SSPN: variants seen among roughly 807,000 people sequenced by gnomAD.
The protein encoded by SSPN is K-ras oncogene-associated protein.
Under a neutral mutation model 19.1 loss-of-function variants are expected in SSPN, and 15 were observed. That is an observed-to-expected ratio of 0.78 (90% CI 0.52 to 1.21). The LOEUF (loss-of-function observed/expected upper bound fraction) is 1.21, where lower values mean the gene tolerates loss of function less well. Among genes scored for constraint, SSPN ranks in the 50% most tolerant of loss-of-function variants. SSPN has a pLI of 0.00. For synonymous variants in SSPN, 147 were observed against 140.3 expected, an observed-to-expected ratio of 1.05 and a Z score of -0.34; for missense variants, 291 against 314.0, an observed-to-expected ratio of 0.93 and a Z score of 0.55.
Position 26,232,228 on chromosome 12 carries a change from G to C in SSPN, c.*1152G>C. 1.0e-6 allele frequency: 1 copy of C among 985,408 alleles called. No homozygotes were observed. Among genetic ancestry groups the C allele is most frequent in the Non-Finnish European group, 1.2e-6 (1 of 829,918 alleles). The allele number at this position is 985,408 out of a possible 1,614,324, so 61.0% of individuals were successfully genotyped here. On this transcript the variant is annotated 3_prime_UTR_variant, in exon 3 of 3. Transcript: ENST00000242729. ...ATCCTATTATTAATTCGTATGCTTA[G>C]TCAACCTAGGAAATCAAAATAATGT... is the stretch of plus-strand genomic sequence containing the variant.
intron 1 of SSPN, among the ~76,000 whole-genome samples, chr12:26,131,070 A>C (rs1944394967): frequency 6.6e-6 from 1 of 152,208 alleles, no homozygotes. Context: ...GATGTGACTA[A>C]AAGGAAATGG....
chr12:26,191,804 A>G (rs56713764), upstream of SSPN, among the ~76,000 whole-genome samples: 17,406 of 152,192 alleles, frequency 0.11, 1,085 homozygotes, highest in Middle Eastern at 0.23. Context: ...GGTCCTGCAT[A>G]TCACAAATGA....
chr12:26,212,136 G>T (rs1356368591), intron 1 of SSPN, among the ~76,000 whole-genome samples: 11 of 152,170 alleles, frequency 7.2e-5, no homozygotes, highest in African/African-American at 2.7e-4. Flanking sequence ...TGTAGGTGAG[G>T]AAGCCCTGCT....
At chr12:26,219,461 A>T (rs748601413) in intron 1 of SSPN, among the ~76,000 whole-genome samples, 74 of 126,238 alleles carry the variant, frequency 5.9e-4, no homozygotes, top group Non-Finnish European at 1.0e-3. Context: ...GTGTGACAAG[A>T]CTCAGGACTC....
At chr12:26,148,103 A>G (rs1263605833) in intron 1 of SSPN, among the ~76,000 whole-genome samples, 3 of 152,210 alleles carry the variant, frequency 2.0e-5, no homozygotes, top group Non-Finnish European at 4.4e-5. Flanking sequence ...GAGGGACTCA[A>G]ATAACTCATC....
exon 1 of SSPN, chr12:26,122,028 C>T: frequency 6.5e-7 from 1 of 1,547,924 alleles, no homozygotes; most frequent in Non-Finnish European, 8.7e-7. Flanking sequence ...TTTAACTTCT[C>T]ACTCTGCTTG....
At chr12:26,202,805 A>C (rs993722197) in intron 1 of SSPN, among the ~76,000 whole-genome samples, 1 of 152,234 alleles carries the variant, frequency 6.6e-6, no homozygotes, top group Non-Finnish European at 1.5e-5. Context: ...GGTTATGTTG[A>C]AGAGTTCAGC....
At chr12:26,157,006 G>A (rs1347441758) in intron 1 of SSPN, among the ~76,000 whole-genome samples, 1 of 152,156 alleles carries the variant, frequency 6.6e-6, no homozygotes, top group Non-Finnish European at 1.5e-5. Context: ...TAAATTTGAG[G>A]TATCATGTAT....
chr12:26,180,846 T>G (rs1944714335), intron 1 of SSPN: 1 of 152,202 alleles, frequency 6.6e-6, no homozygotes, highest in Non-Finnish European at 1.5e-5. Flanking sequence ...GTTATTTACA[T>G]AAATAGAGCA....
chr12:26,177,941 G>T (rs1944694684), intron 1 of SSPN, among the ~76,000 whole-genome samples: 1 of 152,172 alleles, frequency 6.6e-6, no homozygotes, highest in Admixed American at 6.5e-5. Flanking sequence ...ATTCTCATAT[G>T]AATGGTCCAA....
upstream of SSPN, among the ~76,000 whole-genome samples, chr12:26,194,835 T>A (rs71438624): frequency 0.042 from 6,454 of 152,152 alleles, 195 homozygotes; most frequent in South Asian, 0.082. Flanking sequence ...AAAAAAATTT[T>A]AAAAAATTAG....
intron 1 of SSPN, among the ~76,000 whole-genome samples, chr12:26,133,865 G>A (rs1944409769): frequency 6.6e-6 from 1 of 152,210 alleles, no homozygotes; most frequent in African/African-American, 2.4e-5. Flanking sequence ...ATTATGCAAT[G>A]AGGACAGAGT....
chr12:26,149,158 A>G (rs1383220359), intron 1 of SSPN, among the ~76,000 whole-genome samples: 3 of 152,214 alleles, frequency 2.0e-5, no homozygotes, highest in East Asian at 1.9e-4. Flanking sequence ...TGAAGTTTCT[A>G]TATTCCAACT....
intron 1 of SSPN, among the ~76,000 whole-genome samples, chr12:26,167,638 A>G (rs912495166): frequency 6.6e-6 from 1 of 152,210 alleles, no homozygotes; most frequent in Non-Finnish European, 1.5e-5. Flanking sequence ...CCGTCAGTTT[A>G]CCATCTGCGT....
In SSPN at chr12:26,232,096, C is replaced by T. The variant is rs1248589151; in HGVS notation, c.*1020C>T. 1 of 985,198 alleles carries T rather than the reference C, an allele frequency of 1.0e-6. No homozygotes were observed. Among genetic ancestry groups the T allele is most frequent in the African/African-American group, 1.7e-5 (1 of 57,212 alleles). The allele number at this position is 985,198 out of a possible 1,614,324, so 61.0% of individuals were successfully genotyped here. A position where few individuals can be genotyped will look rare whatever the true frequency, so the allele number is the denominator to read the frequency against. On this transcript the variant is annotated 3_prime_UTR_variant, in exon 3 of 3. Coordinates refer to ENST00000242729, the MANE Select transcript of SSPN (RefSeq NM_005086.5). ...TAATAGGAAGTGTTTATACAAACAG[C>T]ACATTTGTGATATGTTGAAAAGCAT...
rs1466019181 is a variant in SSPN at position 26,137,672 on chromosome 12, T to A, written c.-31+15520T>A. 9.6e-3 allele frequency among the ~76,000 whole-genome samples: 1,024 copies of A among 106,836 alleles called. 18 individuals carry two copies. The highest frequency in any genetic ancestry group is 0.023 in the Middle Eastern group (5 of 214). The allele number at this position is 106,836 out of a possible 152,430, so 70.1% of individuals were successfully genotyped here. A position where few individuals can be genotyped will look rare whatever the true frequency, so the allele number is the denominator to read the frequency against. ...TATATATATATTTTTTTTTTTTTTT[T>A]TTTTTTTTTTGAGATGGAGTCTTGC... On this transcript the variant is annotated intron_variant, in intron 1 of 2. Coordinates refer to the SSPN transcript ENST00000538142.
At chr12:26,122,975 C>T in intron 1 of SSPN, 1 of 1,564,118 alleles carries the variant, frequency 6.4e-7, no homozygotes, top group Non-Finnish European at 8.7e-7. Context: ...CCTGTTGAGT[C>T]AACAGCTGCG....
At chr12:26,201,607 A>T (rs1404765702) in intron 1 of SSPN, among the ~76,000 whole-genome samples, 7 of 138,264 alleles carry the variant, frequency 5.1e-5, no homozygotes, top group African/African-American at 2.3e-4. Context: ...TTCTTTTTTA[A>T]AAAAAAAAAT....
intron 1 of SSPN, among the ~76,000 whole-genome samples, chr12:26,155,695 A>G (rs542963822): frequency 6.6e-6 from 1 of 152,358 alleles, no homozygotes; most frequent in South Asian, 2.1e-4. Flanking sequence ...TGAAGGAAAG[A>G]GCAAGATTTA....
Sources: gnomAD v4.1 joint callset for allele counts (sites outside exome capture counted in the v4.1 genomes callset) on GRCh38, gnomAD v4.1.1 for gene constraint, MANE v1.5 for transcripts, NCBI Gene and HGNC (gene_info 2026-07-23, HGNC 2026-07-21) for gene names.